IL31RA: variants seen among roughly 807,000 people sequenced by gnomAD.
IL31RA encodes interleukin-31 receptor subunit alpha.
IL31RA carries 66 observed loss-of-function variants against 83.7 expected under a neutral mutation model. The ratio of observed to expected loss-of-function variants is 0.79; its 90% CI spans 0.65 to 0.97. IL31RA has a LOEUF of 0.97. IL31RA is among the 50% of genes least tolerant of loss of function. The probability of loss-of-function intolerance (pLI) is 0.00; values close to 1 mark genes in which losing one functional copy is unlikely to be tolerated. For synonymous variants in IL31RA, 325 were observed against 329.0 expected (o/e 0.99, Z 0.13); for missense variants, 798 against 919.4 (o/e 0.87, Z 1.71).
intron 5 of IL31RA, among the ~76,000 whole-genome samples, chr5:55,887,524 G>A (rs989775153): frequency 2.0e-5 from 3 of 152,186 alleles, no homozygotes; most frequent in Admixed American, 6.5e-5. Flanking sequence ...TGGATCACCT[G>A]AGATCAGGAG....
At chr5:55,845,459 G>A in the IL31RA span, among the ~76,000 whole-genome samples, 3 of 151,510 alleles carry the variant, frequency 2.0e-5, no homozygotes, top group Non-Finnish European at 4.4e-5. Flanking sequence ...TGGTTTGGCT[G>A]TGTCCCCACC....
At chr5:55,844,616 G>T in the IL31RA span, among the ~76,000 whole-genome samples, 3 of 151,990 alleles carry the variant, frequency 2.0e-5, no homozygotes, top group African/African-American at 4.8e-5. Flanking sequence ...TATCTCACTT[G>T]GTGTTCTCTG....
rs1325002626 is a variant in IL31RA, at chr5:55,867,302, TGC to T, written c.155-1487_155-1486del. The stretch of plus-strand genomic sequence containing the variant: ...GCATGTGTGTGTGCATGTGTGTGTG[TGC>T]GTGTGTGTGTGTGCGTGTGTGTGTG... On this transcript the variant is annotated intron_variant, in intron 2 of 14. Coordinates refer to ENST00000652347, the MANE Select transcript of IL31RA (RefSeq NM_139017.7). Among the ~76,000 whole-genome samples the T allele has an allele frequency of 2.1e-3, 202 of 96,310 alleles. 4 individuals are homozygous for T. Among genetic ancestry groups the T allele is most frequent in the African/African-American group, 0.011 (174 of 16,162 alleles). 63.2% of individuals were successfully genotyped at this position (96,310 alleles called of 152,430 possible).
intron 1 of IL31RA, among the ~76,000 whole-genome samples, chr5:55,858,876 A>G (rs1429063515): frequency 2.6e-5 from 4 of 152,200 alleles, no homozygotes; most frequent in Admixed American, 2.6e-4. Context: ...TTCCACTCTT[A>G]AGAAGGTCCC....
At chr5:55,859,872 T>C (rs1290400668) in intron 2 of IL31RA, among the ~76,000 whole-genome samples, 6 of 152,210 alleles carry the variant, frequency 3.9e-5, no homozygotes, top group Admixed American at 6.5e-5. Context: ...TTTTAGAATA[T>C]AGTAGTCTCT....
intron 4 of IL31RA, among the ~76,000 whole-genome samples, chr5:55,879,523 C>T (rs1337804022): frequency 1.4e-5 from 2 of 147,428 alleles, no homozygotes; most frequent in African/African-American, 5.0e-5. Flanking sequence ...ACCTCCGCCT[C>T]CCAGGTTCAA....
Position 55,867,099 on chromosome 5 carries a change from TTGTG to T in IL31RA, c.155-1683_155-1680del, listed in dbSNP as rs1235642887. On this transcript the variant is annotated intron_variant, in intron 2 of 14. Coordinates refer to ENST00000652347, the MANE Select transcript of IL31RA (RefSeq NM_139017.7). ...TGCATGTGTGTTTGTGTGTGTGTGTTTGTGTGTGTGTGCATGTGTGTGTTTGTGT... is the reference window on the plus strand; with the variant it reads ...TGCATGTGTGTTTGTGTGTGTGTGTTTGTGTGTGCATGTGTGTGTTTGTGT... Among the ~76,000 whole-genome samples, 20 of 28,438 alleles carry T rather than the reference TTGTG, an allele frequency of 7.0e-4. 4 individuals are homozygous for T. In the East Asian group the frequency reaches 9.6e-3, roughly 14 times the overall value. 18.7% of individuals were successfully genotyped at this position (28,438 alleles called of 152,430 possible). A position where few individuals can be genotyped will look rare whatever the true frequency, so the allele number is the denominator to read the frequency against.
At chr5:55,872,193 C>T in intron 3 of IL31RA, 77 bp from the exon 4 acceptor site, 1 of 1,071,018 alleles carries the variant, frequency 9.3e-7, no homozygotes, top group Non-Finnish European at 1.4e-6. Context: ...TAACAAATTA[C>T]TGCTTAATAC....
At chr5:55,877,018 C>A (rs940026608) in intron 4 of IL31RA, among the ~76,000 whole-genome samples, 2 of 151,598 alleles carry the variant, frequency 1.3e-5, no homozygotes, top group Non-Finnish European at 2.9e-5. Flanking sequence ...AAAATTTTTT[C>A]TTTTATATTT....
intron 8 of IL31RA, chr5:55,902,157 T>C (rs1424069706): frequency 6.6e-6 from 1 of 152,244 alleles, no homozygotes; most frequent in Non-Finnish European, 1.5e-5. Flanking sequence ...AGTTTCACTC[T>C]AACACAACCA....
rs755884208 is a variant in IL31RA at position 55,920,834 on chromosome 5, C to T, written c.*3714C>T. On this transcript the variant is annotated 3_prime_UTR_variant, in exon 15 of 15. Coordinates refer to ENST00000652347, the MANE Select transcript of IL31RA (RefSeq NM_139017.7). ...CCTGTCCCCTTCCCATAGCTAAGGT[C>T]GAGAGTTGGTGGCTTACACCAGTGG... is the stretch of plus-strand genomic sequence containing the variant. Among the ~76,000 whole-genome samples, 7 of 152,272 alleles carry T rather than the reference C, an allele frequency of 4.6e-5. No individual in the cohort carries two copies. In the East Asian group the frequency reaches 7.7e-4, roughly 17 times the overall value.
At chr5:55,858,602 A>G (rs917263903) in intron 1 of IL31RA, among the ~76,000 whole-genome samples, 2 of 152,082 alleles carry the variant, frequency 1.3e-5, no homozygotes, top group Non-Finnish European at 2.9e-5. Context: ...TTCTAAAGTA[A>G]CTTATTTTGT....
chr5:55,858,527 A>G (rs1745486481), intron 1 of IL31RA, among the ~76,000 whole-genome samples: 1 of 152,210 alleles, frequency 6.6e-6, no homozygotes, highest in South Asian at 2.1e-4. Context: ...TAAGGATTTC[A>G]GTTGGTTCAT....
intron 11 of IL31RA, among the ~76,000 whole-genome samples, chr5:55,910,231 C>T (rs893007181): frequency 1.3e-5 from 2 of 151,940 alleles, no homozygotes; most frequent in Non-Finnish European, 2.9e-5. Context: ...TAGTGAAGTC[C>T]AGCTTGATCT....
At position 55,918,819 on chromosome 5, in the gene IL31RA, C is replaced by T. The variant is rs979343001; in HGVS notation, c.*1699C>T. 2.0e-5 allele frequency among the ~76,000 whole-genome samples: 3 copies of T among 152,144 alleles called. No homozygotes were observed. Among genetic ancestry groups the T allele is most frequent in the Non-Finnish European group, 4.4e-5 (3 of 68,024 alleles). On this transcript the variant is annotated 3_prime_UTR_variant, in exon 15 of 15. Transcript: ENST00000652347. ...CCACCCCCCCACCACCCACCCAGGA[C>T]TCAGTACTCCTGGTTTACGGAACAG...
At chr5:55,888,335 C>T (rs1747768767) in intron 5 of IL31RA, among the ~76,000 whole-genome samples, 1 of 152,136 alleles carries the variant, frequency 6.6e-6, no homozygotes, top group South Asian at 2.1e-4. Flanking sequence ...AGGAGCCTTA[C>T]AGGCACCTTG....
intron 14 of IL31RA, among the ~76,000 whole-genome samples, chr5:55,916,276 A>G (rs1311644553): frequency 6.6e-6 from 1 of 152,066 alleles, no homozygotes; most frequent in Non-Finnish European, 1.5e-5. Context: ...GCTACTCAGG[A>G]AGCTGAGGGG....
intron 5 of IL31RA, among the ~76,000 whole-genome samples, chr5:55,885,917 T>C (rs1211285767): frequency 1.3e-5 from 2 of 152,220 alleles, no homozygotes; most frequent in Non-Finnish European, 2.9e-5. Context: ...TCTGGGATAG[T>C]CTACTGGCTA....
rs1749946993 is a variant in IL31RA at position 55,918,862 on chromosome 5, A to C, written c.*1742A>C. ...CGGAACAGTGACTTCTGGTACACCA[A>C]GGAATGAGGGAGGCCCGAGGCAGGG... On this transcript the variant is annotated 3_prime_UTR_variant, in exon 15 of 15. Coordinates refer to ENST00000652347, the MANE Select transcript of IL31RA (RefSeq NM_139017.7). Among the ~76,000 whole-genome samples, 1 of 152,154 alleles carries C rather than the reference A, an allele frequency of 6.6e-6. No homozygotes were observed. Among genetic ancestry groups the C allele is most frequent in the Non-Finnish European group, 1.5e-5 (1 of 68,024 alleles).
Sources: gnomAD v4.1 joint callset for allele counts (sites outside exome capture counted in the v4.1 genomes callset) on GRCh38, gnomAD v4.1.1 for gene constraint, MANE v1.5 for transcripts, NCBI Gene and HGNC (gene_info 2026-07-23, HGNC 2026-07-21) for gene names.